Variants in PTPRE observed in about 807,000 individuals in gnomAD.
The protein encoded by PTPRE is receptor-type tyrosine-protein phosphatase epsilon.
In PTPRE, 51 loss-of-function variants were observed where a neutral mutation model predicts 102.0. The observed-to-expected ratio is 0.50, with a 90% CI of 0.40 to 0.63. PTPRE has a LOEUF of 0.63. Among genes scored for constraint, PTPRE ranks in the 30% least tolerant of loss-of-function variants. The pLI, the probability that PTPRE is intolerant of heterozygous loss-of-function variation, is 0.00. For missense variants in PTPRE, 752 were observed against 915.1 expected, an observed-to-expected ratio of 0.82 and a Z score of 2.30; for synonymous variants, 345 against 348.2, an observed-to-expected ratio of 0.99 and a Z score of 0.10.
chr10:127,987,043 G>A (rs541647969), intron 2 of PTPRE, among the ~76,000 whole-genome samples: 5 of 152,202 alleles, frequency 3.3e-5, no homozygotes, highest in Non-Finnish European at 7.3e-5. Flanking sequence ...CAGTAAGTTG[G>A]AAGAATGCCT....
chr10:127,939,317 T>C (rs1479629226), intron 1 of PTPRE, among the ~76,000 whole-genome samples: 2 of 152,244 alleles, frequency 1.3e-5, no homozygotes, highest in Non-Finnish European at 2.9e-5. Flanking sequence ...TTTTAAAACT[T>C]CCCGTTCTGC....
At chr10:127,919,280 T>C (rs1273374125) in intron 1 of PTPRE, among the ~76,000 whole-genome samples, 2 of 152,268 alleles carry the variant, frequency 1.3e-5, no homozygotes, top group Admixed American at 1.3e-4. Context: ...AACATAATTT[T>C]TGTCCAAGTC....
chr10:128,016,165 A>C (rs892784780), intron 2 of PTPRE, among the ~76,000 whole-genome samples: 1 of 152,210 alleles, frequency 6.6e-6, no homozygotes, highest in Non-Finnish European at 1.5e-5. Flanking sequence ...GGGGGTCTGC[A>C]GCAGACATTT....
intron 7 of PTPRE, among the ~76,000 whole-genome samples, chr10:128,058,267 G>A (rs1478162337): frequency 1.3e-5 from 2 of 152,192 alleles, no homozygotes; most frequent in African/African-American, 4.8e-5. Context: ...GGAAGAGGCC[G>A]GGCCCACCCA....
chr10:127,993,380 G>A (rs1852887061), intron 2 of PTPRE, among the ~76,000 whole-genome samples: 1 of 152,170 alleles, frequency 6.6e-6, no homozygotes, highest in African/African-American at 2.4e-5. Flanking sequence ...ATAACTTGAA[G>A]CTAATGCGTG....
chr10:128,063,043 C>A (rs752026447), intron 9 of PTPRE, 40 bp from the exon 10 acceptor site: 8 of 1,612,664 alleles, frequency 5.0e-6, no homozygotes, highest in Non-Finnish European at 5.1e-6. Context: ...AGGGACTTCC[C>A]TTCATGCCTT....
intron 1 of PTPRE, among the ~76,000 whole-genome samples, chr10:127,970,391 C>T (rs1204288381): frequency 6.6e-6 from 1 of 152,076 alleles, no homozygotes; most frequent in African/African-American, 2.4e-5. Flanking sequence ...AATCAGAGCT[C>T]CAAGCCTAGA....
At chr10:127,967,162 G>A (rs1005951420) in intron 1 of PTPRE, among the ~76,000 whole-genome samples, 2 of 152,130 alleles carry the variant, frequency 1.3e-5, no homozygotes, top group Admixed American at 6.5e-5. Flanking sequence ...TCAGTTGACC[G>A]TATTTTTTAA....
chr10:127,959,322 A>G (rs1249101687), intron 1 of PTPRE, among the ~76,000 whole-genome samples: 3 of 152,220 alleles, frequency 2.0e-5, no homozygotes, highest in Non-Finnish European at 4.4e-5. Flanking sequence ...TCACTCATTC[A>G]TTCATTTGTA....
At chr10:128,047,956 C>G in intron 5 of PTPRE, 119 bp downstream of exon 5, 1 of 967,604 alleles carries the variant, frequency 1.0e-6, no homozygotes, top group South Asian at 1.8e-5. Flanking sequence ...TTGCCACTTT[C>G]ATCTCACTCT....
chr10:127,963,724 G>T (rs973767495), intron 1 of PTPRE, among the ~76,000 whole-genome samples: 1 of 152,084 alleles, frequency 6.6e-6, no homozygotes. Flanking sequence ...GTGCACACAC[G>T]TGTGGAACCC....
chr10:127,916,777 C>T (rs1205295078), intron 1 of PTPRE, among the ~76,000 whole-genome samples: 3 of 152,170 alleles, frequency 2.0e-5, no homozygotes, highest in African/African-American at 2.4e-5. Context: ...TTCTGTGTGA[C>T]GGACCAGCAG....
intron 11 of PTPRE, 137 bp downstream of exon 11, chr10:128,066,331 G>A: frequency 1.4e-6 from 2 of 1,401,684 alleles, no homozygotes; most frequent in Non-Finnish European, 2.0e-6. Flanking sequence ...AGAGGGTGCA[G>A]TGGCCAGGCT....
chr10:127,958,456 T>C (rs987010855), intron 1 of PTPRE, among the ~76,000 whole-genome samples: 2 of 152,260 alleles, frequency 1.3e-5, no homozygotes, highest in Non-Finnish European at 2.9e-5. Context: ...GATATAATCT[T>C]GTGATTTTCT....
chr10:128,039,522 C>T (rs1414637712), intron 2 of PTPRE, among the ~76,000 whole-genome samples: 2 of 152,176 alleles, frequency 1.3e-5, no homozygotes, highest in East Asian at 1.9e-4. Flanking sequence ...CCACCATCGT[C>T]GTTGTTCTGG....
chr10:128,021,546 T>C (rs1240996390), intron 2 of PTPRE, among the ~76,000 whole-genome samples: 1 of 152,214 alleles, frequency 6.6e-6, no homozygotes, highest in Non-Finnish European at 1.5e-5. Flanking sequence ...GAAAATGCAG[T>C]CTGTACCCAG....
intron 2 of PTPRE, among the ~76,000 whole-genome samples, chr10:128,022,749 C>T (rs891451173): frequency 6.6e-6 from 1 of 152,232 alleles, no homozygotes; most frequent in Non-Finnish European, 1.5e-5. Flanking sequence ...GCTAGCAGGG[C>T]TTCCCAGGCG....
chr10:127,907,418 G>A lies in PTPRE; in HGVS notation c.-31+109G>A. 1.2e-6 allele frequency: 1 copy of A among 844,224 alleles called. No individual in the cohort carries two copies. Among genetic ancestry groups the A allele is most frequent in the Non-Finnish European group, 1.4e-6 (1 of 702,094 alleles). The allele number at this position is 844,224 out of a possible 1,614,324, so 52.3% of individuals were successfully genotyped here. ...TCGGCCGCTGCCGCGGGAGGGAGGGGCCGCTCCGGGGCTCAGAGTCCGGAC... is the reference window on the plus strand; with the variant it reads ...TCGGCCGCTGCCGCGGGAGGGAGGGACCGCTCCGGGGCTCAGAGTCCGGAC... On this transcript the variant is annotated intron_variant, in intron 1 of 20. Coordinates refer to ENST00000254667, the MANE Select transcript of PTPRE (RefSeq NM_006504.6). The surrounding 1 kb of genome is among the most constrained non-coding windows in gnomAD (Gnocchi z 4.8).
intron 12 of PTPRE, chr10:128,068,675 A>C (rs946030137): frequency 6.3e-5 from 10 of 158,704 alleles, no homozygotes; most frequent in African/African-American, 2.4e-4. Flanking sequence ...GTTATGGAAG[A>C]GCACACCATG....
Sources: allele counts gnomAD v4.1 joint callset (sites outside exome capture counted in the v4.1 genomes callset), GRCh38; gene constraint gnomAD v4.1.1; non-coding constraint Gnocchi (gnomAD v3.1); transcripts MANE v1.5; gene names NCBI Gene and HGNC (gene_info 2026-07-23, HGNC 2026-07-21).